Variants in AOPEP observed in about 807,000 individuals in gnomAD.
The protein encoded by AOPEP is aminopeptidase O (putative).
AOPEP carries 77 observed loss-of-function variants against 98.1 expected under a neutral mutation model. The ratio of observed to expected loss-of-function variants is 0.78; its 90% CI spans 0.65 to 0.95. AOPEP has a LOEUF of 0.95. Among genes scored for constraint, AOPEP ranks in the 40% least tolerant of loss-of-function variants. AOPEP has a pLI of 0.00. For missense variants in AOPEP, 1,024 were observed against 1,024.7 expected (o/e 1.00, Z 0.01); for synonymous variants, 346 against 365.3 (o/e 0.95, Z 0.60).
Position 94,800,804 on chromosome 9 carries a change from A to G in AOPEP, c.1166A>G (p.Asn389Ser). 1 of 1,614,130 alleles carries G rather than the reference A, an allele frequency of 6.2e-7. No individual in the cohort carries two copies. The highest frequency in any genetic ancestry group is 8.5e-7 in the Non-Finnish European group (1 of 1,180,016). The change falls in exon 5 of 17, where the codon AAT becomes AGT. Residue 389 changes from asparagine (N) to serine (S), a missense_variant. Transcript: ENST00000375315. ...SHMEYPCRFQ[N>S]ASATTQEIIP... Reference sequence around the variant, plus strand: ...ATGGAATACCCCTGCCGCTTCCAGAATGCTTCTGCCACCACCCAGGAGATC... The same window carrying G: ...ATGGAATACCCCTGCCGCTTCCAGAGTGCTTCTGCCACCACCCAGGAGATC...
chr9:94,869,385 A>G (rs192115828), intron 5 of AOPEP, among the ~76,000 whole-genome samples: 6 of 152,290 alleles, frequency 3.9e-5, no homozygotes, highest in African/African-American at 1.2e-4. Context: ...CTGTTAGTGA[A>G]TGCCCTATTT....
the AOPEP span, chr9:95,127,067 C>T: frequency 1.8e-3 from 307 of 172,056 alleles, 1 homozygote; most frequent in Non-Finnish European, 3.2e-3. Flanking sequence ...ACCACTACCA[C>T]GCTGGACTAA....
intron 5 of AOPEP, among the ~76,000 whole-genome samples, chr9:94,874,902 T>A (rs2046744079): frequency 6.6e-6 from 1 of 152,194 alleles, no homozygotes; most frequent in Admixed American, 6.5e-5. Flanking sequence ...ATTTATTTTT[T>A]AACAAGGCAA....
intron 9 of AOPEP, among the ~76,000 whole-genome samples, chr9:94,956,954 G>T (rs890995003): frequency 6.6e-6 from 1 of 152,104 alleles, no homozygotes; most frequent in South Asian, 2.1e-4. Context: ...TTTTTGTACT[G>T]GGTGTGGGGA....
intron 5 of AOPEP, among the ~76,000 whole-genome samples, chr9:94,844,093 G>C (rs887852802): frequency 2.6e-5 from 4 of 152,062 alleles, no homozygotes; most frequent in African/African-American, 9.7e-5. Flanking sequence ...GTCTCCCTCT[G>C]TCGCCCAGCT....
At chr9:95,138,748 G>A in the AOPEP span, among the ~76,000 whole-genome samples, 1 of 152,204 alleles carries the variant, frequency 6.6e-6, no homozygotes, top group African/African-American at 2.4e-5. Context: ...ACTCAGGCCA[G>A]GCCGCCAGGA....
chr9:94,811,534 G>GC (rs1850584639), intron 5 of AOPEP, among the ~76,000 whole-genome samples: 4 of 152,152 alleles, frequency 2.6e-5, no homozygotes, highest in Admixed American at 1.3e-4. Flanking sequence ...TACCACAGCT[G>GC]CCCCCCACCA....
chr9:95,040,896 G>C (rs1260814116), intron 13 of AOPEP, among the ~76,000 whole-genome samples: 1 of 120,186 alleles, frequency 8.3e-6, no homozygotes, highest in East Asian at 2.5e-4. Context: ...TTCCTTTTCT[G>C]ATAGAAAACA....
intron 13 of AOPEP, chr9:95,048,874 G>A (rs1271122545): frequency 6.6e-6 from 1 of 152,238 alleles, no homozygotes; most frequent in Non-Finnish European, 1.5e-5. Flanking sequence ...TATCAAGAAA[G>A]TTCACACGAA....
chr9:94,930,396 G>A lies in AOPEP; in HGVS notation c.1661+1865G>A, dbSNP rs1347396784. 6.6e-6 allele frequency among the ~76,000 whole-genome samples: 1 copy of A among 152,154 alleles called. No individual in the cohort carries two copies. Among genetic ancestry groups the A allele is most frequent in the African/African-American group, 2.4e-5 (1 of 41,418 alleles). ...GAAGGAAAATGAAGTTTCCAGCTTT[G>A]CATGTGTTAAGTTTGTGATGACCAA... On this transcript the variant is annotated intron_variant, in intron 7 of 16. Coordinates refer to ENST00000375315, the MANE Select transcript of AOPEP (RefSeq NM_001193329.3). The surrounding 1 kb of genome is among the most constrained non-coding windows in gnomAD (Gnocchi z 4.5).
chr9:94,934,110 G>C (rs2055850516), intron 7 of AOPEP, among the ~76,000 whole-genome samples: 2 of 152,040 alleles, frequency 1.3e-5, no homozygotes, highest in Admixed American at 1.3e-4. Flanking sequence ...GATAAGGAGA[G>C]AGGAAAATCT....
chr9:94,777,076 A>G (rs1477033511), intron 3 of AOPEP, among the ~76,000 whole-genome samples: 1 of 152,166 alleles, frequency 6.6e-6, no homozygotes, highest in Non-Finnish European at 1.5e-5. Flanking sequence ...TAACTGAAGT[A>G]TAACATTCTT....
intron 9 of AOPEP, among the ~76,000 whole-genome samples, chr9:94,957,378 T>C (rs1039389595): frequency 6.6e-6 from 1 of 152,144 alleles, no homozygotes; most frequent in Non-Finnish European, 1.5e-5. Flanking sequence ...CTGCTAATTT[T>C]TGTATTTTTA....
chr9:94,801,113 C>A, intron 5 of AOPEP, 111 bp downstream of exon 5: 2 of 1,263,504 alleles, frequency 1.6e-6, no homozygotes, highest in Non-Finnish European at 2.3e-6. Context: ...AATGGAGGGG[C>A]TATGGTTGCT....
At chr9:95,132,347 T>G in the AOPEP span, among the ~76,000 whole-genome samples, 1 of 152,312 alleles carries the variant, frequency 6.6e-6, no homozygotes, top group East Asian at 1.9e-4. Flanking sequence ...TCCTTCTAAT[T>G]TGGGGCCAGC....
chr9:95,039,895 A>G (rs1451852494), intron 13 of AOPEP, among the ~76,000 whole-genome samples: 1 of 152,250 alleles, frequency 6.6e-6, no homozygotes, highest in Non-Finnish European at 1.5e-5. Context: ...AACAGGTTTC[A>G]GGATGTTAAA....
intron 5 of AOPEP, among the ~76,000 whole-genome samples, chr9:94,814,238 G>T (rs1851239043): frequency 6.6e-6 from 1 of 152,170 alleles, no homozygotes; most frequent in Non-Finnish European, 1.5e-5. Flanking sequence ...TTAATAATGA[G>T]CCCAAATCCT....
chr9:94,973,319 T>C (rs2059641515), intron 10 of AOPEP, among the ~76,000 whole-genome samples: 1 of 152,128 alleles, frequency 6.6e-6, no homozygotes, highest in Admixed American at 6.5e-5. Flanking sequence ...CATCCTATAA[T>C]CCCCATTCTT....
rs771248825 is a variant in AOPEP, at chr9:94,760,194, T to A, written c.411T>A (p.His137Gln). The change falls in exon 2 of 17, where the codon CAT (histidine) becomes CAA (glutamine). Residue 137 changes from histidine to glutamine, a missense_variant. His to Gln is a conservative substitution (Grantham distance 24). This residue lies in a region of AOPEP where 440 missense variants were observed against 433.8 expected (regional missense o/e 1.01). Coordinates refer to ENST00000375315, the MANE Select transcript of AOPEP (RefSeq NM_001193329.3). ...AGTACTGCTGTGACACAGGGAATCATGGGAGTGAGGATTTTTTGCTAGTGT... is the reference window on the plus strand; with the variant it reads ...AGTACTGCTGTGACACAGGGAATCAAGGGAGTGAGGATTTTTTGCTAGTGT... ...SSKYCCDTGNHGSEDFLLVLD... is the reference protein window; with the variant it reads ...SSKYCCDTGNQGSEDFLLVLD... 6.2e-7 allele frequency: 1 copy of A among 1,614,184 alleles called. No homozygotes were observed. Among genetic ancestry groups the A allele is most frequent in the Non-Finnish European group, 8.5e-7 (1 of 1,180,028 alleles).
Sources: allele counts gnomAD v4.1 joint callset (sites outside exome capture counted in the v4.1 genomes callset), GRCh38; gene constraint gnomAD v4.1.1; regional missense constraint gnomAD v4.1.1; non-coding constraint Gnocchi (gnomAD v3.1); transcripts MANE v1.5; gene names NCBI Gene and HGNC (gene_info 2026-07-23, HGNC 2026-07-21).